Variants in CNTNAP5 observed in about 807,000 individuals in gnomAD.
CNTNAP5 encodes the protein contactin-associated protein-like 5.
In CNTNAP5, 72 loss-of-function variants were observed where a neutral mutation model predicts 150.2. That is an observed-to-expected ratio of 0.48 (90% CI 0.40 to 0.58). The LOEUF is 0.58. CNTNAP5 is among the 20% of genes least tolerant of loss of function. The pLI is 0.00. For synonymous variants in CNTNAP5, 672 were observed against 619.8 expected (o/e 1.08, Z -1.25); for missense variants, 1,636 against 1,626.2 (o/e 1.01, Z -0.10).
chr2:124,201,563 CT>C (rs1382474154), intron 1 of CNTNAP5, among the ~76,000 whole-genome samples: 1 of 152,226 alleles, frequency 6.6e-6, no homozygotes, highest in Non-Finnish European at 1.5e-5. Context: ...TCTTTTAACA[CT>C]TAACCTCTCC....
At chr2:124,107,599 T>G (rs1006382724) in intron 1 of CNTNAP5, among the ~76,000 whole-genome samples, 7 of 152,206 alleles carry the variant, frequency 4.6e-5, no homozygotes, top group African/African-American at 1.7e-4. Context: ...AAAGTTATGC[T>G]TTTAGTTAAT....
At chr2:124,635,476 G>A (rs981563713) in intron 12 of CNTNAP5, among the ~76,000 whole-genome samples, 5 of 152,156 alleles carry the variant, frequency 3.3e-5, no homozygotes, top group African/African-American at 1.2e-4. Context: ...GAAACCGGAG[G>A]AAAGACAAGC....
chr2:124,454,552 C>T (rs1693068652), intron 6 of CNTNAP5, among the ~76,000 whole-genome samples: 1 of 152,094 alleles, frequency 6.6e-6, no homozygotes, highest in South Asian at 2.1e-4. Context: ...ATGAACTTAA[C>T]AGATATTTAC....
chr2:124,682,954 T>C (rs1052524325), intron 13 of CNTNAP5, among the ~76,000 whole-genome samples: 6 of 152,260 alleles, frequency 3.9e-5, no homozygotes, highest in African/African-American at 1.2e-4. Flanking sequence ...CGTAAACAAC[T>C]GCAGTGATCA....
At chr2:124,849,555 T>C (rs1253618349) in intron 19 of CNTNAP5, among the ~76,000 whole-genome samples, 2 of 152,222 alleles carry the variant, frequency 1.3e-5, no homozygotes, top group African/African-American at 4.8e-5. Flanking sequence ...GAATTGTTTT[T>C]CTATTGCTTT....
chr2:124,349,078 A>G (rs1689808868), intron 3 of CNTNAP5, among the ~76,000 whole-genome samples: 2 of 152,196 alleles, frequency 1.3e-5, no homozygotes, highest in South Asian at 2.1e-4. Flanking sequence ...TTGATTGGAC[A>G]TGTCTGGCTT....
chr2:124,917,820 A>G lies in CNTNAP5; in HGVS notation c.*3532A>G, dbSNP rs1678800980. Among the ~76,000 whole-genome samples the G allele has an allele frequency of 6.6e-6, 1 of 152,048 alleles. No individual in the cohort carries two copies. Among genetic ancestry groups the G allele is most frequent in the African/African-American group, 2.4e-5 (1 of 41,442 alleles). On this transcript the variant is annotated 3_prime_UTR_variant, in exon 24 of 24. Transcript: ENST00000682447. ...TAGCTGGCAAGGCATGTATTGTTGC[A>G]ACAGGGCCACACATAAAGTGTCCTA...
chr2:124,831,720 C>T (rs1237418782), intron 19 of CNTNAP5, among the ~76,000 whole-genome samples: 4 of 150,970 alleles, frequency 2.6e-5, no homozygotes, highest in Non-Finnish European at 5.9e-5. Flanking sequence ...TTGAAAATGA[C>T]CCAAGTATTG....
At chr2:124,349,233 G>A (rs1689812522) in intron 3 of CNTNAP5, among the ~76,000 whole-genome samples, 1 of 152,272 alleles carries the variant, frequency 6.6e-6, no homozygotes, top group African/African-American at 2.4e-5. Flanking sequence ...GTACGATGTA[G>A]CCTGTTGTTC....
At chr2:124,111,220 AC>A (rs948202147) in intron 1 of CNTNAP5, among the ~76,000 whole-genome samples, 4 of 152,186 alleles carry the variant, frequency 2.6e-5, no homozygotes, top group African/African-American at 9.6e-5. Flanking sequence ...AAGGAAGAAC[AC>A]AAAAAGAGAG....
At chr2:124,503,429 A>G (rs1318964807) in intron 7 of CNTNAP5, among the ~76,000 whole-genome samples, 1 of 152,218 alleles carries the variant, frequency 6.6e-6, no homozygotes, top group African/African-American at 2.4e-5. Flanking sequence ...CATTCAGGTT[A>G]GGGCATTCCC....
rs1392599481 is a variant in CNTNAP5 at position 124,706,812 on chromosome 2, G to A, written c.2078-40417G>A. Among the ~76,000 whole-genome samples the A allele has an allele frequency of 6.0e-3, 70 of 11,758 alleles. 5 individuals carry two copies. The highest frequency in any genetic ancestry group is 0.02 in the African/African-American group (64 of 3,166). The allele number at this position is 11,758 out of a possible 152,430, so 7.7% of individuals were successfully genotyped here. A position where few individuals can be genotyped will look rare whatever the true frequency, so the allele number is the denominator to read the frequency against. ...AGAAGAAGAAGGAGGAGGAGGAGGA[G>A]GAGGAGGAGGAGGAAGAGGAGGAGG... On this transcript the variant is annotated intron_variant, in intron 13 of 23. Transcript: ENST00000682447.
At chr2:124,161,696 C>T (rs148063795) in intron 1 of CNTNAP5, among the ~76,000 whole-genome samples, 4 of 152,058 alleles carry the variant, frequency 2.6e-5, no homozygotes, top group Non-Finnish European at 5.9e-5. Flanking sequence ...GTGCTCATTG[C>T]AAATGCAGAT....
chr2:124,273,682 T>C (rs1687814779), intron 3 of CNTNAP5, among the ~76,000 whole-genome samples: 1 of 152,160 alleles, frequency 6.6e-6, no homozygotes, highest in African/African-American at 2.4e-5. Flanking sequence ...CACCTGAATG[T>C]GATTGGAGCA....
chr2:124,102,001 C>T (rs964564527), intron 1 of CNTNAP5, among the ~76,000 whole-genome samples: 32 of 152,162 alleles, frequency 2.1e-4, no homozygotes, highest in African/African-American at 6.8e-4. Flanking sequence ...CACTGATTTT[C>T]CACAACCAGC....
intron 3 of CNTNAP5, among the ~76,000 whole-genome samples, chr2:124,393,919 T>C (rs1330439882): frequency 6.6e-6 from 1 of 152,246 alleles, no homozygotes; most frequent in Non-Finnish European, 1.5e-5. Flanking sequence ...CTGTCAGCTT[T>C]AAGCTAGCGG....
At chr2:124,634,217 CT>C (rs1326972652) in intron 12 of CNTNAP5, among the ~76,000 whole-genome samples, 2 of 152,288 alleles carry the variant, frequency 1.3e-5, no homozygotes, top group Non-Finnish European at 2.9e-5. Flanking sequence ...CTCTGCTTTC[CT>C]TTTAAATATA....
At chr2:124,677,882 C>A (rs560991053) in intron 13 of CNTNAP5, among the ~76,000 whole-genome samples, 2 of 151,986 alleles carry the variant, frequency 1.3e-5, no homozygotes, top group East Asian at 3.9e-4. Context: ...GCCGAGAGAC[C>A]AATTAGTAAA....
chr2:124,758,632 G>A (rs1202026464), intron 14 of CNTNAP5, among the ~76,000 whole-genome samples: 1 of 152,078 alleles, frequency 6.6e-6, no homozygotes, highest in Non-Finnish European at 1.5e-5. Flanking sequence ...TGCAGAGGAA[G>A]ATGAGATGAC....
Sources: allele counts gnomAD v4.1 joint callset (sites outside exome capture counted in the v4.1 genomes callset), GRCh38; gene constraint gnomAD v4.1.1; transcripts MANE v1.5; gene names NCBI Gene and HGNC (gene_info 2026-07-23, HGNC 2026-07-21).